PLPPR4: variants seen among roughly 807,000 people sequenced by gnomAD.
PLPPR4 encodes phospholipid phosphatase related 4, also known as phospholipid phosphatase-related protein type 4.
PLPPR4 carries 24 observed loss-of-function variants against 56.6 expected under a neutral mutation model. That is an observed-to-expected ratio of 0.42 (90% CI 0.31 to 0.60). PLPPR4 has a LOEUF of 0.60. PLPPR4 is among the 20% of genes least tolerant of loss of function. The probability of loss-of-function intolerance (pLI) is 0.13; values close to 1 mark genes in which losing one functional copy is unlikely to be tolerated. For missense variants in PLPPR4, 654 were observed against 885.8 expected, an observed-to-expected ratio of 0.74 and a Z score of 3.32; for synonymous variants, 326 against 328.1, an observed-to-expected ratio of 0.99 and a Z score of 0.07.
intron 1 of PLPPR4, among the ~76,000 whole-genome samples, chr1:99,273,948 T>C (rs989793559): frequency 6.6e-5 from 10 of 152,250 alleles, no homozygotes; most frequent in African/African-American, 9.6e-5. Flanking sequence ...CCAAGGTCTA[T>C]ATGAGTCCTC....
intron 6 of PLPPR4, 96 bp from the exon 7 acceptor site, chr1:99,305,589 G>A (rs1018286455): frequency 2.6e-6 from 3 of 1,146,728 alleles, no homozygotes; most frequent in African/African-American, 3.1e-5. Flanking sequence ...TGTATAGGAA[G>A]CATATACCTA....
At chr1:99,293,926 C>A (rs1238321590) in intron 2 of PLPPR4, among the ~76,000 whole-genome samples, 1 of 152,084 alleles carries the variant, frequency 6.6e-6, no homozygotes, top group African/African-American at 2.4e-5. Context: ...CAAAACCTGT[C>A]CACAACAACA....
At chr1:99,283,327 G>C (rs928538815) in intron 1 of PLPPR4, among the ~76,000 whole-genome samples, 1 of 152,126 alleles carries the variant, frequency 6.6e-6, no homozygotes, top group Non-Finnish European at 1.5e-5. Flanking sequence ...CCAGTGAAAA[G>C]TAGTTTGTCT....
intron 3 of PLPPR4, among the ~76,000 whole-genome samples, chr1:99,298,331 C>T (rs1175401412): frequency 6.6e-6 from 1 of 152,138 alleles, no homozygotes; most frequent in East Asian, 1.9e-4. Context: ...GCCAAGCAAA[C>T]AACTTCAAGC....
At chr1:99,305,654 A>T (rs749110506) in intron 6 of PLPPR4, 31 bp from the exon 7 acceptor site, 1 of 1,587,686 alleles carries the variant, frequency 6.3e-7, no homozygotes, top group South Asian at 1.2e-5. Context: ...CTTCTAGTGC[A>T]TGATATTTAT....
At position 99,299,118 on chromosome 1, in the gene PLPPR4, C is replaced by A; in HGVS notation, c.478C>A (p.Leu160Met). The change falls in exon 4 of 7, where the codon CTG (leucine) becomes ATG (methionine). Residue 160 changes from leucine (L) to methionine (M), a missense_variant. Physicochemically the swap from Leu to Met is conservative, Grantham distance 15. This residue lies in a region of PLPPR4 where 186 missense variants were observed against 331.4 expected (regional missense o/e 0.56). Coordinates refer to ENST00000370185, the MANE Select transcript of PLPPR4 (RefSeq NM_014839.5). ...LSTGYQAPYF[L>M]TVCKPNYTSL... ...CACAGGATATCAAGCACCTTACTTTCTGACTGTGTGCAAACCAAACTATAC... is the reference window on the plus strand; with the variant it reads ...CACAGGATATCAAGCACCTTACTTTATGACTGTGTGCAAACCAAACTATAC... 1 of 1,613,378 alleles carries A rather than the reference C, an allele frequency of 6.2e-7. No individual in the cohort carries two copies. The highest frequency in any genetic ancestry group is 8.5e-7 in the Non-Finnish European group (1 of 1,179,536).
chr1:99,299,979 A>G (rs538869472), intron 4 of PLPPR4, among the ~76,000 whole-genome samples: 1 of 152,082 alleles, frequency 6.6e-6, no homozygotes, highest in African/African-American at 2.4e-5. Context: ...TAAGTTGCCA[A>G]ATATTGACTA....
At chr1:99,287,057 T>A (rs1242838011) in intron 1 of PLPPR4, among the ~76,000 whole-genome samples, 1 of 152,048 alleles carries the variant, frequency 6.6e-6, no homozygotes, top group African/African-American at 2.4e-5. Flanking sequence ...ACCCCCAACA[T>A]GCCCTGGTGT....
intron 1 of PLPPR4, among the ~76,000 whole-genome samples, chr1:99,276,739 T>A (rs1440810020): frequency 6.6e-6 from 1 of 152,210 alleles, no homozygotes; most frequent in Non-Finnish European, 1.5e-5. Context: ...CCTAAAGTAC[T>A]GATGCTAATG....
chr1:99,296,953 C>G, intron 3 of PLPPR4, 86 bp downstream of exon 3: 3 of 1,230,672 alleles, frequency 2.4e-6, no homozygotes, highest in Non-Finnish European at 3.2e-6. Flanking sequence ...AAGTCTCGTA[C>G]GCTATAATTT....
chr1:99,296,155 A>G (rs1659735082), intron 2 of PLPPR4, among the ~76,000 whole-genome samples: 1 of 152,174 alleles, frequency 6.6e-6, no homozygotes, highest in African/African-American at 2.4e-5. Context: ...CTTCTGACCT[A>G]GATTCTCTTG....
intron 1 of PLPPR4, among the ~76,000 whole-genome samples, chr1:99,277,048 G>C (rs760163890): frequency 2.0e-5 from 3 of 151,724 alleles, no homozygotes; most frequent in Non-Finnish European, 4.4e-5. Flanking sequence ...AGATATTACT[G>C]TTCTTTGGCC....
Position 99,306,556 on chromosome 1 carries a change from C to T in PLPPR4, c.1694C>T (p.Thr565Ile), listed in dbSNP as rs1346544236. 1.2e-6 allele frequency: 2 copies of T among 1,614,122 alleles called. No homozygotes were observed. The highest frequency in any genetic ancestry group is 1.7e-6 in the Non-Finnish European group (2 of 1,180,022). The change falls in exon 7 of 7, where the codon ACA (threonine) becomes ATA (isoleucine). Residue 565 changes from threonine to isoleucine, a missense_variant. Thr to Ile is a moderately conservative substitution (Grantham distance 89). Transcript: ENST00000370185. This position sits in a 1 kb window ranked among gnomAD's most constrained non-coding sequence, Gnocchi z 4.0. ...CTGSIRYKTL[T>I]DHEPSGIVRV... The stretch of plus-strand genomic sequence containing the variant: ...GGCTCCATCCGCTATAAAACCTTGA[C>T]AGACCATGAGCCCAGTGGGATAGTG...
At chr1:99,265,756 G>T (rs1365485541) in intron 1 of PLPPR4, among the ~76,000 whole-genome samples, 1 of 152,208 alleles carries the variant, frequency 6.6e-6, no homozygotes, top group Non-Finnish European at 1.5e-5. Flanking sequence ...TGTATTCAAT[G>T]ATTGTAAGGC....
intron 1 of PLPPR4, 93 bp from the exon 2 acceptor site, chr1:99,287,872 A>G: frequency 1.8e-5 from 16 of 870,786 alleles, no homozygotes; most frequent in East Asian, 2.5e-5. Flanking sequence ...ATCGGAGAAG[A>G]GTAGCGAGAG....
chr1:99,264,805 C>T, intron 1 of PLPPR4, 134 bp downstream of exon 1: 1 of 858,666 alleles, frequency 1.2e-6, no homozygotes, highest in South Asian at 1.4e-5. Context: ...CCGACCCTCC[C>T]CTCTTCCCCT....
chr1:99,303,375 T>C lies in PLPPR4; in HGVS notation c.822+1478T>C, dbSNP rs189715664. On this transcript the variant is annotated intron_variant, in intron 6 of 6. Coordinates refer to ENST00000370185, the MANE Select transcript of PLPPR4 (RefSeq NM_014839.5). Reference sequence around the variant, plus strand: ...GGGTAAAGGGAGTTGAGGGGATCAATTGAATCAATAAGCAGTTAAGTAGTT... The same window carrying C: ...GGGTAAAGGGAGTTGAGGGGATCAACTGAATCAATAAGCAGTTAAGTAGTT... 3.2e-3 allele frequency among the ~76,000 whole-genome samples: 482 copies of C among 152,232 alleles called. 3 individuals carry two copies. The highest frequency in any genetic ancestry group is 0.011 in the African/African-American group (457 of 41,550).
intron 1 of PLPPR4, among the ~76,000 whole-genome samples, chr1:99,270,847 G>T (rs1434091806): frequency 6.6e-6 from 1 of 152,136 alleles, no homozygotes; most frequent in African/African-American, 2.4e-5. Flanking sequence ...CCTGCCAAAT[G>T]AGATGAGTTG....
chr1:99,277,846 T>C (rs1344101170), intron 1 of PLPPR4, among the ~76,000 whole-genome samples: 3 of 152,156 alleles, frequency 2.0e-5, no homozygotes, highest in Admixed American at 2.0e-4. Context: ...ATAATATACA[T>C]GTTCCATGAC....
Sources: gnomAD v4.1 joint callset for allele counts (sites outside exome capture counted in the v4.1 genomes callset) on GRCh38, gnomAD v4.1.1 for gene constraint, gnomAD v4.1.1 regional missense constraint, Gnocchi (gnomAD v3.1) non-coding constraint, MANE v1.5 for transcripts, NCBI Gene and HGNC (gene_info 2026-07-23, HGNC 2026-07-21) for gene names.